FUT8: variants seen among roughly 807,000 people sequenced by gnomAD.
FUT8 encodes fucosyltransferase 8.
Under a neutral mutation model 71.3 loss-of-function variants are expected in FUT8, and 29 were observed. The ratio of observed to expected loss-of-function variants is 0.41; its 90% CI spans 0.30 to 0.55. The LOEUF (loss-of-function observed/expected upper bound fraction) is 0.55, where lower values mean the gene tolerates loss of function less well. Among genes scored for constraint, FUT8 ranks in the 20% least tolerant of loss-of-function variants. The probability of loss-of-function intolerance (pLI) is 0.34; values close to 1 mark genes in which losing one functional copy is unlikely to be tolerated. For missense variants in FUT8, 544 were observed against 702.1 expected (o/e 0.77, Z 2.55); for synonymous variants, 254 against 239.3 (o/e 1.06, Z -0.57).
chr14:65,431,637 C>G (rs1411450208), intron 1 of FUT8, among the ~76,000 whole-genome samples: 1 of 146,288 alleles, frequency 6.8e-6, no homozygotes, highest in Non-Finnish European at 1.5e-5. Flanking sequence ...TTCCAGTGTA[C>G]TGCTCTTAGA....
chr14:65,378,613 C>A, the FUT8 span, among the ~76,000 whole-genome samples: 1 of 152,068 alleles, frequency 6.6e-6, no homozygotes, highest in Non-Finnish European at 1.5e-5. Context: ...TGGAAACAGA[C>A]AGAAAGCCCT....
intron 6 of FUT8, among the ~76,000 whole-genome samples, chr14:65,637,027 A>G (rs192929773): frequency 7.9e-5 from 12 of 152,346 alleles, no homozygotes; most frequent in Admixed American, 6.5e-4. Flanking sequence ...ATGTTTATCT[A>G]AAAAGTTTTT....
chr14:65,517,793 A>G (rs1882812780), intron 2 of FUT8, among the ~76,000 whole-genome samples: 1 of 152,216 alleles, frequency 6.6e-6, no homozygotes, highest in Admixed American at 6.5e-5. Flanking sequence ...TTATGTATGT[A>G]AACTGGCTTA....
At chr14:65,617,082 T>A in intron 5 of FUT8, 2 of 1,587,226 alleles carry the variant, frequency 1.3e-6, no homozygotes, top group South Asian at 2.4e-5. Context: ...AGTCTATGTT[T>A]CCAGTAGGAT....
intron 2 of FUT8, among the ~76,000 whole-genome samples, chr14:65,553,250 TG>T (rs2140011371): frequency 6.6e-6 from 1 of 152,280 alleles, no homozygotes; most frequent in African/African-American, 2.4e-5. Context: ...TATATGTATA[TG>T]TATATATAAA....
chr14:65,485,593 T>A (rs1432193513), intron 2 of FUT8, among the ~76,000 whole-genome samples: 1 of 152,226 alleles, frequency 6.6e-6, no homozygotes, highest in Non-Finnish European at 1.5e-5. Flanking sequence ...TTCTCTCAAA[T>A]TCTTTCAGAT....
intron 2 of FUT8, among the ~76,000 whole-genome samples, chr14:65,521,188 T>C (rs1883054476): frequency 6.6e-6 from 1 of 152,018 alleles, no homozygotes; most frequent in Non-Finnish European, 1.5e-5. Flanking sequence ...ATATTCTATT[T>C]TAAATGCTTT....
chr14:65,708,381 A>G lies in FUT8; in HGVS notation c.836-13394A>G, dbSNP rs117869656. 5.7e-3 allele frequency among the ~76,000 whole-genome samples: 869 copies of G among 152,316 alleles called. 28 individuals are homozygous for G. The East Asian group carries it at 0.092, about 16-fold the overall frequency. ...ATTAAACCTTTTTTCTTTATAAATT[A>G]CCGAATCTCAGGCAGTTCTTTATAG... On this transcript the variant is annotated intron_variant, in intron 7 of 10. Coordinates refer to ENST00000673929, the MANE Select transcript of FUT8 (RefSeq NM_001371533.1).
rs1888413075 is a variant in FUT8, at chr14:65,603,453, C to G, written c.204-12525C>G. Among the ~76,000 whole-genome samples the G allele has an allele frequency of 6.6e-6, 1 of 151,430 alleles. No homozygotes were observed. The highest frequency in any genetic ancestry group is 6.6e-5 in the Admixed American group (1 of 15,136). On this transcript the variant is annotated intron_variant, in intron 3 of 10. Coordinates refer to ENST00000673929, the MANE Select transcript of FUT8 (RefSeq NM_001371533.1). The surrounding 1 kb of genome is among the most constrained non-coding windows in gnomAD (Gnocchi z 4.5). The stretch of plus-strand genomic sequence containing the variant: ...TCTTTTTGCTCAGTCTTGGCTTTGG[C>G]TTTGTGGGCTCTTTTTTGGTTCCAT...
At chr14:65,690,044 G>A (rs2052476396) in intron 7 of FUT8, among the ~76,000 whole-genome samples, 2 of 152,156 alleles carry the variant, frequency 1.3e-5, no homozygotes, top group South Asian at 2.1e-4. Flanking sequence ...AAGGTATAAG[G>A]TCAATGTCTA....
At position 65,525,841 on chromosome 14, in the gene FUT8, G is replaced by A. The variant is rs572725848; in HGVS notation, c.-227-35496G>A. The stretch of plus-strand genomic sequence containing the variant: ...CGTACCCAGTAGTCATTCAGGAGCA[G>A]GTTGTTCAGTTTCCATGTAGTTGAG... On this transcript the variant is annotated intron_variant, in intron 2 of 10. Coordinates refer to ENST00000673929, the MANE Select transcript of FUT8 (RefSeq NM_001371533.1). Among the ~76,000 whole-genome samples, 3 of 152,304 alleles carry A rather than the reference G, an allele frequency of 2.0e-5. No homozygotes were observed. The East Asian group carries it at 5.8e-4, about 29-fold the overall frequency.
chr14:65,383,876 C>T, the FUT8 span, among the ~76,000 whole-genome samples: 1 of 152,164 alleles, frequency 6.6e-6, no homozygotes, highest in Non-Finnish European at 1.5e-5. Context: ...TCTTATCTTC[C>T]CTAGGCCCAA....
At chr14:65,484,438 A>T (rs1194463875) in intron 2 of FUT8, among the ~76,000 whole-genome samples, 2 of 152,204 alleles carry the variant, frequency 1.3e-5, no homozygotes, top group Non-Finnish European at 2.9e-5. Flanking sequence ...TAAAGTGTAA[A>T]AGAAAATTAG....
At chr14:65,412,537 C>CT (rs1332442065), upstream of FUT8, 5 of 357,600 alleles carry the variant, frequency 1.4e-5, no homozygotes, top group Admixed American at 3.7e-5. Context: ...CGCTGCCCTG[C>CT]TGGAACTGTG....
chr14:65,418,459 G>A (rs946802884), intron 1 of FUT8, among the ~76,000 whole-genome samples: 1 of 152,168 alleles, frequency 6.6e-6, no homozygotes, highest in African/African-American at 2.4e-5. Flanking sequence ...TATAATAAAA[G>A]CATTGTAATG....
At chr14:65,458,791 C>CTTTT (rs748466416) in intron 2 of FUT8, among the ~76,000 whole-genome samples, 2 of 135,574 alleles carry the variant, frequency 1.5e-5, no homozygotes, top group Non-Finnish European at 3.2e-5. Flanking sequence ...TCTTTTCTTT[C>CTTTT]TTTTTTTTTT....
intron 5 of FUT8, among the ~76,000 whole-genome samples, chr14:65,616,826 A>AT (rs890377289): frequency 7.5e-4 from 113 of 150,396 alleles, no homozygotes; most frequent in African/African-American, 2.6e-3. Context: ...GGTTAACAGG[A>AT]TTTTTTTTTT....
chr14:65,594,163 G>A (rs1203253241), intron 3 of FUT8, among the ~76,000 whole-genome samples: 2 of 152,220 alleles, frequency 1.3e-5, no homozygotes, highest in African/African-American at 4.8e-5. Context: ...CGTTTACTCA[G>A]CCTGCCCCGC....
Position 65,467,506 on chromosome 14 carries a change from T to G in FUT8, c.-228+11788T>G, listed in dbSNP as rs1303590090. 6.6e-6 allele frequency among the ~76,000 whole-genome samples: 1 copy of G among 151,966 alleles called. No homozygotes were observed. The highest frequency in any genetic ancestry group is 1.5e-5 in the Non-Finnish European group (1 of 68,012). ...TCTTTTTTATTTTTGAGACAGAGTC[T>G]CACACTGTCGCCCGGGCTGGAGTGC... On this transcript the variant is annotated intron_variant, in intron 2 of 10. Transcript: ENST00000673929. The surrounding 1 kb of genome is among the most constrained non-coding windows in gnomAD (Gnocchi z 4.1).
Sources: gnomAD v4.1 joint callset for allele counts (sites outside exome capture counted in the v4.1 genomes callset) on GRCh38, gnomAD v4.1.1 for gene constraint, Gnocchi (gnomAD v3.1) non-coding constraint, MANE v1.5 for transcripts, NCBI Gene and HGNC (gene_info 2026-07-23, HGNC 2026-07-21) for gene names.